The following FGB variants were observed in gnomAD, a reference collection of about 807,000 sequenced individuals.
FGB encodes the protein fibrinogen beta chain, also known as beta-fibrinogen.
Under a neutral mutation model 57.9 loss-of-function variants are expected in FGB, and 25 were observed. The observed-to-expected ratio is 0.43, with a 90% confidence interval of 0.31 to 0.60. The LOEUF is 0.60. FGB is among the 20% of genes least tolerant of loss of function. The pLI is 0.08. For synonymous variants in FGB, 203 were observed against 199.2 expected, an observed-to-expected ratio of 1.02 and a Z score of -0.16; for missense variants, 536 against 598.4, an observed-to-expected ratio of 0.90 and a Z score of 1.09.
intron 1 of FGB, among the ~76,000 whole-genome samples, chr4:154,564,686 G>A (rs1307213553): frequency 6.6e-6 from 1 of 151,936 alleles, no homozygotes; most frequent in Non-Finnish European, 1.5e-5. Flanking sequence ...AGAGAGCTCA[G>A]TTGTTGCTCA....
In FGB at chr4:154,563,102, T is replaced by A. The variant is rs375340782; in HGVS notation, c.84T>A (p.Val28=). The A allele has an allele frequency of 2.2e-5, 35 of 1,564,684 alleles. No individual in the cohort carries two copies. The African/African-American group carries it at 4.2e-4, about 19-fold the overall frequency. The change falls in exon 1 of 8, where the codon GTT becomes GTA. Residue 28 remains valine, a synonymous_variant. Coordinates refer to ENST00000302068, the MANE Select transcript of FGB (RefSeq NM_005141.5). ...TGCTACTATTGTGTGTTTTTCTAGT[T>A]AAGTCCCAAGGTGTCAACGACAATG... ...LLLLLLCVFL[V]KSQGVNDNEE...
At chr4:154,567,462 T>C (rs936623560) in intron 3 of FGB, 131 bp from the exon 4 acceptor site, 46 of 670,440 alleles carry the variant, frequency 6.9e-5, no homozygotes. Context: ...AATATGACTA[T>C]ATATCATAAC....
chr4:154,566,538 A>C lies in FGB; in HGVS notation c.356A>C (p.Gln119Pro). 1.2e-6 allele frequency: 2 copies of C among 1,614,142 alleles called. No homozygotes were observed. The highest frequency in any genetic ancestry group is 1.7e-6 in the Non-Finnish European group (2 of 1,180,024). ...GCQLQEALLQQERPIRNSVDE... is the reference protein window; with the variant it reads ...GCQLQEALLQPERPIRNSVDE... ...CAGTTGCAAGAGGCTTTGCTACAAC[A>C]GGAAAGGCCAATCAGAAATAGTGTT... is the stretch of plus-strand genomic sequence containing the variant. Residue 119 changes from glutamine (Q) to proline (P), a missense_variant, in exon 3 of 8, where the codon CAG becomes CCG. Physicochemically the swap from Gln to Pro is moderately conservative, Grantham distance 76. This residue lies in a region of FGB where 354 missense variants were observed against 383.4 expected (regional missense o/e 0.92). Coordinates refer to ENST00000302068, the MANE Select transcript of FGB (RefSeq NM_005141.5).
At chr4:154,568,916 C>T (rs1560818362) in intron 5 of FGB, among the ~76,000 whole-genome samples, 1 of 151,962 alleles carries the variant, frequency 6.6e-6, no homozygotes, top group East Asian at 1.9e-4. Context: ...TCTAACATAG[C>T]TGACAAAGAG....
intron 1 of FGB, 26 bp from the exon 2 acceptor site, chr4:154,565,782 T>G: frequency 6.2e-7 from 1 of 1,608,038 alleles, no homozygotes; most frequent in South Asian, 1.1e-5. Context: ...ACACTCTGTA[T>G]TATATTTCTG....
In FGB at chr4:154,569,554, C is replaced by T; in HGVS notation, c.999C>T (p.Thr333=). The T allele has an allele frequency of 6.2e-7, 1 of 1,613,658 alleles. No individual in the cohort carries two copies. Among genetic ancestry groups the T allele is most frequent in the Non-Finnish European group, 8.5e-7 (1 of 1,179,912 alleles). Residue 333 remains threonine (T), a synonymous_variant, in exon 7 of 8, where the codon ACC becomes ACT. Coordinates refer to ENST00000302068, the MANE Select transcript of FGB (RefSeq NM_005141.5). The part of the protein sequence containing the change: ...WLGNDKISQL[T]RMGPTELLIE... ...GAAATGATAAAATTAGCCAGCTTAC[C>T]AGGATGGGACCCACAGAACTTTTGA...
Position 154,566,007 on chromosome 4 carries a change from C to A in FGB, c.306+8C>A, listed in dbSNP as rs756870853. Reference sequence around the variant, plus strand: ...CACGCTGACCCAGACCTGGTGGGTGCACTGATGTTTCTTGCAGTGGTGGCT... The same window carrying A: ...CACGCTGACCCAGACCTGGTGGGTGAACTGATGTTTCTTGCAGTGGTGGCT... On this transcript the variant is annotated splice_region_variant and intron_variant, in intron 2 of 7. Coordinates refer to ENST00000302068, the MANE Select transcript of FGB (RefSeq NM_005141.5). 5.0e-6 allele frequency: 8 copies of A among 1,611,850 alleles called. No homozygotes were observed. The East Asian group carries it at 1.8e-4, about 36-fold the overall frequency.
chr4:154,569,080 A>T (rs983123744), intron 5 of FGB, 102 bp from the exon 6 acceptor site: 1 of 1,303,154 alleles, frequency 7.7e-7, no homozygotes, highest in Non-Finnish European at 1.1e-6. Context: ...AGAGCACCAA[A>T]TATATACTAA....
chr4:154,565,767 C>G (rs1031865243), intron 1 of FGB, 41 bp from the exon 2 acceptor site: 7 of 1,564,848 alleles, frequency 4.5e-6, no homozygotes, highest in Non-Finnish European at 6.2e-6. Flanking sequence ...TCCAAATCTT[C>G]TATAACACTC....
At chr4:154,569,487 T>A (rs1462155753) in intron 6 of FGB, 27 bp from the exon 7 acceptor site, 8 of 1,600,704 alleles carry the variant, frequency 5.0e-6, no homozygotes, top group Non-Finnish European at 6.0e-6. Flanking sequence ...TTATTTTTGG[T>A]GAGATTTTAT....
At chr4:154,566,045 G>C in intron 2 of FGB, 46 bp downstream of exon 2, 1 of 1,558,656 alleles carries the variant, frequency 6.4e-7, no homozygotes, top group Non-Finnish European at 8.8e-7. Context: ...CTCATGCAGA[G>C]AAAGCCTGTA....
At chr4:154,563,963 T>C (rs940864254) in intron 1 of FGB, among the ~76,000 whole-genome samples, 1 of 151,948 alleles carries the variant, frequency 6.6e-6, no homozygotes, top group Non-Finnish European at 1.5e-5. Flanking sequence ...TTCGGATCAT[T>C]ATTGAGTTTC....
Position 154,571,320 on chromosome 4 carries a change from G to T in FGB, c.*670G>T, listed in dbSNP as rs1730416277. Among the ~76,000 whole-genome samples, 1 of 152,050 alleles carries T rather than the reference G, an allele frequency of 6.6e-6. No homozygotes were observed. The highest frequency in any genetic ancestry group is 6.6e-5 in the Admixed American group (1 of 15,248). On this transcript the variant is annotated 3_prime_UTR_variant, in exon 8 of 8. Coordinates refer to ENST00000302068, the MANE Select transcript of FGB (RefSeq NM_005141.5). ...GTTCAAGACCAGCCTGACCAATATG[G>T]TGAAACCCCATCTCTACTAAAAATA...
upstream of FGB, chr4:154,562,991 G>C (rs776370184): frequency 1.8e-6 from 2 of 1,100,606 alleles, no homozygotes; most frequent in Non-Finnish European, 2.7e-6. Flanking sequence ...GATATATATA[G>C]GATTGAAGAT....
In FGB at chr4:154,569,309, T is replaced by A. The variant is rs1402025455; in HGVS notation, c.958+2T>A. 6.2e-7 allele frequency: 1 copy of A among 1,614,082 alleles called. No homozygotes were observed. The highest frequency in any genetic ancestry group is 8.5e-7 in the Non-Finnish European group (1 of 1,179,966). Reference sequence around the variant, plus strand: ...GGAAGAATTACTGTGGCCTACCAGGTAACGAACAGGCATGCAAAATAAAAT... The same window carrying A: ...GGAAGAATTACTGTGGCCTACCAGGAAACGAACAGGCATGCAAAATAAAAT... On this transcript the variant is annotated splice_donor_variant, in intron 6 of 7. Transcript: ENST00000302068. LOFTEE classifies it high-confidence loss of function.
rs1339198946 is a variant in FGB, at chr4:154,563,039, G to C, written c.21G>C (p.Trp7Cys). Residue 7 changes from tryptophan to cysteine, a missense_variant, in exon 1 of 8, where the codon TGG (tryptophan) becomes TGC (cysteine). Coordinates refer to ENST00000302068, the MANE Select transcript of FGB (RefSeq NM_005141.5). MKRMVS[W>C]SFHKLKTMKH... ...TCTACATGAAAAGGATGGTTTCTTG[G>C]AGCTTCCACAAACTTAAAACCATGA... The C allele has an allele frequency of 6.4e-7, 1 of 1,559,268 alleles. No homozygotes were observed. The highest frequency in any genetic ancestry group is 2.3e-5 in the East Asian group (1 of 42,594).
In FGB at chr4:154,570,499, C is replaced by T. The variant is rs762125715; in HGVS notation, c.1325C>T (p.Pro442Leu). 1.9e-6 allele frequency: 3 copies of T among 1,614,092 alleles called. No individual in the cohort carries two copies. Among genetic ancestry groups the T allele is most frequent in the Non-Finnish European group, 1.7e-6 (2 of 1,179,988 alleles). ...TATAATAGATGTCATGCAGCCAATCCAAACGGCAGATACTACTGGGGTGGA... is the reference window on the plus strand; with the variant it reads ...TATAATAGATGTCATGCAGCCAATCTAAACGGCAGATACTACTGGGGTGGA... ...WWYNRCHAAN[P>L]NGRYYWGGQY... Residue 442 changes from proline (P) to leucine (L), a missense_variant, in exon 8 of 8, where the codon CCA (proline) becomes CTA (leucine). Physicochemically the swap from Pro to Leu is moderately conservative, Grantham distance 98 (BLOSUM62 -3). This residue lies in a region of FGB where 177 missense variants were observed against 193.7 expected (regional missense o/e 0.91). Transcript: ENST00000302068.
chr4:154,567,703 A>T lies in FGB; in HGVS notation c.601A>T (p.Ile201Phe). The change falls in exon 4 of 8, where the codon ATC (isoleucine) becomes TTC (phenylalanine). Residue 201 changes from isoleucine to phenylalanine, a missense_variant. By Grantham distance (21) the Ile-to-Phe change is conservative (BLOSUM62 0). Transcript: ENST00000302068. The stretch of plus-strand genomic sequence containing the variant: ...AACTAACCTTCGTGTGCTTCGTTCA[A>T]TCCTGGAAAACCTGAGAAGCAAAAT... ...IPTNLRVLRS[I>F]LENLRSKIQK... is the part of the protein sequence containing the mutation. 1 of 1,614,016 alleles carries T rather than the reference A, an allele frequency of 6.2e-7. No homozygotes were observed. Among genetic ancestry groups the T allele is most frequent in the Non-Finnish European group, 8.5e-7 (1 of 1,179,890 alleles).
At position 154,565,836 on chromosome 4, in the gene FGB, C is replaced by A; in HGVS notation, c.143C>A (p.Pro48His). The A allele has an allele frequency of 6.2e-7, 1 of 1,614,170 alleles. No individual in the cohort carries two copies. Among genetic ancestry groups the A allele is most frequent in the Non-Finnish European group, 8.5e-7 (1 of 1,180,028 alleles). Residue 48 changes from proline (P) to histidine (H), a missense_variant, in exon 2 of 8, where the codon CCC (proline) becomes CAC (histidine). Coordinates refer to ENST00000302068, the MANE Select transcript of FGB (RefSeq NM_005141.5). ...TTCTTCAGTGCCCGTGGTCATCGACCCCTTGACAAGAAGAGAGAAGAGGCT... is the reference window on the plus strand; with the variant it reads ...TTCTTCAGTGCCCGTGGTCATCGACACCTTGACAAGAAGAGAGAAGAGGCT... Reference protein sequence around the residue: ...EGFFSARGHRPLDKKREEAPS... With the variant: ...EGFFSARGHRHLDKKREEAPS...
Sources: gnomAD v4.1 joint callset for allele counts (sites outside exome capture counted in the v4.1 genomes callset) on GRCh38, gnomAD v4.1.1 for gene constraint, gnomAD v4.1.1 regional missense constraint, MANE v1.5 for transcripts, NCBI Gene and HGNC (gene_info 2026-07-23, HGNC 2026-07-21) for gene names.